Variants in ROBO2 observed in about 807,000 individuals in gnomAD.
The protein encoded by ROBO2 is roundabout guidance receptor 2, also known as roundabout homolog 2.
ROBO2 carries 53 observed loss-of-function variants against 160.8 expected under a neutral mutation model. The observed-to-expected ratio is 0.33, with a 90% CI of 0.26 to 0.41. The LOEUF (loss-of-function observed/expected upper bound fraction) is 0.41. ROBO2 is among the 10% of genes least tolerant of loss of function. The pLI is 1.00. For missense variants in ROBO2, 1,577 were observed against 1,722.4 expected (o/e 0.92, Z 1.49); for synonymous variants, 664 against 611.7 (o/e 1.09, Z -1.26).
At chr3:76,894,361 C>T (rs77567071) in intron 2 of ROBO2, among the ~76,000 whole-genome samples, 2,017 of 152,024 alleles carry the variant, frequency 0.013, 12 homozygotes, top group Middle Eastern at 0.027. Flanking sequence ...ACAGGTATGG[C>T]CTGTTTAAGT....
At chr3:76,721,094 A>G (rs2093458660) in intron 2 of ROBO2, among the ~76,000 whole-genome samples, 1 of 152,228 alleles carries the variant, frequency 6.6e-6, no homozygotes, top group South Asian at 2.1e-4. Context: ...AGGAAAACTT[A>G]CAGCTTCCAT....
At chr3:77,051,811 A>G (rs868044818) in intron 1 of ROBO2, among the ~76,000 whole-genome samples, 2 of 152,324 alleles carry the variant, frequency 1.3e-5, no homozygotes, top group Middle Eastern at 6.8e-3. Flanking sequence ...CCTGAACTAT[A>G]AGGGGAGGGG....
At chr3:77,571,609 C>T (rs2093637548) in intron 13 of ROBO2, among the ~76,000 whole-genome samples, 1 of 151,992 alleles carries the variant, frequency 6.6e-6, no homozygotes, top group Non-Finnish European at 1.5e-5. Context: ...TTCCTTAAGA[C>T]AACTCTTTTT....
intron 1 of ROBO2, among the ~76,000 whole-genome samples, chr3:77,068,447 C>A (rs2149816466): frequency 6.6e-6 from 1 of 152,086 alleles, no homozygotes; most frequent in African/African-American, 2.4e-5. Flanking sequence ...AGAATATAAT[C>A]TTTGTTTAAA....
At chr3:77,617,109 A>G (rs1239357453) in intron 21 of ROBO2, among the ~76,000 whole-genome samples, 2 of 132,854 alleles carry the variant, frequency 1.5e-5, no homozygotes, top group Non-Finnish European at 3.1e-5. Flanking sequence ...TTAGATAATC[A>G]ATCAGCGATA....
At chr3:77,546,502 C>T (rs746721180) in intron 7 of ROBO2, 40 bp downstream of exon 8, 4 of 1,610,470 alleles carry the variant, frequency 2.5e-6, no homozygotes, top group South Asian at 1.1e-5. Context: ...AATCTCTGAA[C>T]TTCTACTGTC....
intron 1 of ROBO2, among the ~76,000 whole-genome samples, chr3:75,919,464 C>T (rs769845884): frequency 2.0e-5 from 3 of 152,180 alleles, no homozygotes; most frequent in South Asian, 4.2e-4. Flanking sequence ...ATTTTTGCAT[C>T]GATGTTCGTC....
chr3:77,583,068 G>A (rs1344267348), intron 16 of ROBO2, among the ~76,000 whole-genome samples: 1 of 150,822 alleles, frequency 6.6e-6, no homozygotes, highest in Non-Finnish European at 1.5e-5. Flanking sequence ...CTTGAACTTG[G>A]GAGGCGGAGG....
At chr3:76,716,207 T>C (rs1010423355) in intron 2 of ROBO2, among the ~76,000 whole-genome samples, 11 of 152,348 alleles carry the variant, frequency 7.2e-5, no homozygotes, top group African/African-American at 1.9e-4. Context: ...AAAGTAGATA[T>C]GTTAATGATG....
intron 2 of ROBO2, among the ~76,000 whole-genome samples, chr3:76,150,323 CTA>C (rs2072125237): frequency 6.6e-6 from 1 of 151,492 alleles, no homozygotes; most frequent in Admixed American, 6.6e-5. Flanking sequence ...CATCATCTGT[CTA>C]AAACACATAT....
At chr3:77,018,249 C>T (rs145835841) in intron 2 of ROBO2, among the ~76,000 whole-genome samples, 1 of 152,010 alleles carries the variant, frequency 6.6e-6, no homozygotes, top group African/African-American at 2.4e-5. Context: ...ATTACAGGCA[C>T]ACTTTTGTAT....
intron 16 of ROBO2, among the ~76,000 whole-genome samples, chr3:77,582,617 C>A (rs1363867064): frequency 3.3e-5 from 5 of 152,066 alleles, no homozygotes; most frequent in Admixed American, 3.3e-4. Flanking sequence ...TCTTTGCTGA[C>A]AGTTGCTCTA....
At position 75,971,510 on chromosome 3, in the gene ROBO2, A is replaced by G. The variant is rs545033189; in HGVS notation, c.109+33908A>G. Among the ~76,000 whole-genome samples the G allele has an allele frequency of 1.1e-4, 17 of 151,720 alleles. 1 individual carries two copies. Among genetic ancestry groups the G allele is most frequent in the Middle Eastern group, 3.4e-3 (1 of 294 alleles). ...TTTCTCATTTTCTTCATCTATAAAG[A>G]CAGAAAAATTCAATTCATCCTACTT... On this transcript the variant is annotated intron_variant, in intron 2 of 26. Coordinates refer to the ROBO2 transcript ENST00000487694.
chr3:76,764,580 A>G (rs564088167), intron 2 of ROBO2, among the ~76,000 whole-genome samples: 2 of 151,838 alleles, frequency 1.3e-5, no homozygotes, highest in Admixed American at 1.3e-4. Flanking sequence ...CTCATCTTTT[A>G]CTACCACTTA....
intron 2 of ROBO2, among the ~76,000 whole-genome samples, chr3:76,784,460 A>G (rs866863728): frequency 1.3e-5 from 2 of 151,166 alleles, no homozygotes; most frequent in Non-Finnish European, 3.0e-5. Context: ...GCCCTAATGC[A>G]TTTAAACTAG....
At chr3:77,075,956 G>T (rs1359696932) in intron 1 of ROBO2, among the ~76,000 whole-genome samples, 1 of 151,724 alleles carries the variant, frequency 6.6e-6, no homozygotes, top group Non-Finnish European at 1.5e-5. Context: ...GGGATTACAG[G>T]CGTGAGCCAC....
intron 2 of ROBO2, among the ~76,000 whole-genome samples, chr3:75,955,425 T>C (rs1398793679): frequency 6.6e-6 from 1 of 151,656 alleles, no homozygotes; most frequent in Non-Finnish European, 1.5e-5. Flanking sequence ...CAGGCTTTCC[T>C]TTCCTACTTT....
chr3:75,928,322 T>TTG (rs1947376236), intron 1 of ROBO2, among the ~76,000 whole-genome samples: 1 of 152,194 alleles, frequency 6.6e-6, no homozygotes, highest in Admixed American at 6.5e-5. Flanking sequence ...AACCAGCATT[T>TTG]CAAAAATACA....
At chr3:75,954,113 C>T (rs1226920208) in intron 2 of ROBO2, among the ~76,000 whole-genome samples, 1 of 151,814 alleles carries the variant, frequency 6.6e-6, no homozygotes, top group Admixed American at 6.6e-5. Context: ...ATAAAGGAAG[C>T]AGGTCAAAAG....
Sources: gnomAD v4.1 joint callset for allele counts (sites outside exome capture counted in the v4.1 genomes callset) on GRCh38, gnomAD v4.1.1 for gene constraint, MANE v1.5 for transcripts, NCBI Gene and HGNC (gene_info 2026-07-23, HGNC 2026-07-21) for gene names.